Variants in TRAK1 observed in about 807,000 individuals in gnomAD.
TRAK1 encodes the protein trafficking kinesin protein 1.
In TRAK1, 33 loss-of-function variants were observed where a neutral mutation model predicts 92.1. The observed-to-expected ratio is 0.36, with a 90% CI of 0.27 to 0.48. The LOEUF is 0.48. Among genes scored for constraint, TRAK1 ranks in the 20% least tolerant of loss-of-function variants. TRAK1 has a pLI of 0.99. For synonymous variants in TRAK1, 521 were observed against 517.3 expected (o/e 1.01, Z -0.10); for missense variants, 1,123 against 1,257.9 (o/e 0.89, Z 1.62).
intron 1 of TRAK1, among the ~76,000 whole-genome samples, chr3:42,092,524 A>G (rs1452576839): frequency 6.6e-6 from 1 of 152,102 alleles, no homozygotes; most frequent in Non-Finnish European, 1.5e-5. Flanking sequence ...CAGAGAGAGG[A>G]CTGGTCCTGC....
chr3:42,058,666 C>A (rs1414115500), intron 1 of TRAK1, among the ~76,000 whole-genome samples: 1 of 152,180 alleles, frequency 6.6e-6, no homozygotes, highest in East Asian at 1.9e-4. Flanking sequence ...TTAAAGTCAA[C>A]CTGTCCTACC....
intron 1 of TRAK1, among the ~76,000 whole-genome samples, chr3:42,123,131 G>A (rs898126059): frequency 6.6e-6 from 1 of 152,212 alleles, no homozygotes; most frequent in Admixed American, 6.5e-5. Flanking sequence ...GGTGCTGACA[G>A]GTGTTCTCAG....
intron 2 of TRAK1, among the ~76,000 whole-genome samples, chr3:42,174,921 C>G (rs1329889963): frequency 1.3e-5 from 2 of 151,760 alleles, no homozygotes; most frequent in African/African-American, 4.8e-5. Context: ...GACTGACTAT[C>G]TGAATAATTA....
chr3:42,201,222 A>T (rs1369990037), intron 12 of TRAK1, among the ~76,000 whole-genome samples, 168 bp downstream of exon 12: 1 of 152,034 alleles, frequency 6.6e-6, no homozygotes, highest in East Asian at 1.9e-4. Context: ...ACTTTCGGAG[A>T]CCGAGGCGGG....
chr3:42,063,068 G>T (rs146346289), intron 1 of TRAK1, among the ~76,000 whole-genome samples: 1 of 152,316 alleles, frequency 6.6e-6, no homozygotes, highest in African/African-American at 2.4e-5. Flanking sequence ...TGGTTTTCCA[G>T]TACCAAATCC....
intron 1 of TRAK1, among the ~76,000 whole-genome samples, chr3:42,123,225 C>T (rs1710126061): frequency 6.6e-6 from 1 of 152,144 alleles, no homozygotes; most frequent in Non-Finnish European, 1.5e-5. Context: ...TGTTGAATGG[C>T]CTTCTTATTT....
chr3:42,030,172 A>C (rs931518018), intron 1 of TRAK1, among the ~76,000 whole-genome samples: 1 of 152,058 alleles, frequency 6.6e-6, no homozygotes, highest in Non-Finnish European at 1.5e-5. Flanking sequence ...GGTGGTTCAC[A>C]CCTATAATCC....
intron 1 of TRAK1, among the ~76,000 whole-genome samples, chr3:42,117,081 G>T (rs1709257723): frequency 6.6e-6 from 1 of 152,082 alleles, no homozygotes; most frequent in Non-Finnish European, 1.5e-5. Flanking sequence ...AAGGACTGGG[G>T]GCGTCACCGG....
rs1559899029 is a variant in TRAK1 at position 42,189,034 on chromosome 3, GTCC to G, written c.606_608del (p.Ser203del). On this transcript the variant is annotated inframe_deletion, in exon 6 of 16. Coordinates refer to ENST00000327628, the MANE Select transcript of TRAK1 (RefSeq NM_001042646.3). ...CCCCCAGGTTGAAGAGGAATGAGTCGTCCTCCTCAGTCCAGAATTACTTTCATT... is the reference window on the plus strand; with the variant it reads ...CCCCCAGGTTGAAGAGGAATGAGTCGTCCTCAGTCCAGAATTACTTTCATT... 2 of 1,613,678 alleles carry G rather than the reference GTCC, an allele frequency of 1.2e-6. No homozygotes were observed. The highest frequency in any genetic ancestry group is 1.7e-5 in the Admixed American group (1 of 60,008).
At chr3:42,178,019 T>C (rs1458023384) in intron 3 of TRAK1, among the ~76,000 whole-genome samples, 1 of 152,094 alleles carries the variant, frequency 6.6e-6, no homozygotes, top group African/African-American at 2.4e-5. Flanking sequence ...CTGCCTTGGT[T>C]GGCACCACCG....
chr3:42,150,908 T>C (rs1699881476), intron 2 of TRAK1, among the ~76,000 whole-genome samples: 1 of 152,214 alleles, frequency 6.6e-6, no homozygotes, highest in South Asian at 2.1e-4. Flanking sequence ...CTTTGGAATA[T>C]ATTCATTCTA....
chr3:42,191,436 G>A lies in TRAK1; in HGVS notation c.691-122G>A. 4.2e-6 allele frequency: 3 copies of A among 711,796 alleles called. No individual in the cohort carries two copies. In the South Asian group the frequency reaches 5.9e-5, roughly 14 times the overall value. 44.1% of individuals were successfully genotyped at this position (711,796 alleles called of 1,614,324 possible). A position where few individuals can be genotyped will look rare whatever the true frequency, so the allele number is the denominator to read the frequency against. On this transcript the variant is annotated intron_variant, in intron 6 of 15. Coordinates refer to ENST00000327628, the MANE Select transcript of TRAK1 (RefSeq NM_001042646.3). ...TATTTGAGGGTACGATGGGTGACAG[G>A]TGGGGGAATGCTAAGGGCAGCTTCC...
intron 1 of TRAK1, among the ~76,000 whole-genome samples, chr3:42,102,774 T>G (rs1394939017): frequency 6.6e-6 from 1 of 152,174 alleles, no homozygotes; most frequent in Non-Finnish European, 1.5e-5. Context: ...AGGGACTGAA[T>G]TTTTCACTGC....
chr3:42,041,210 G>A (rs993693408), intron 1 of TRAK1, among the ~76,000 whole-genome samples: 4 of 148,860 alleles, frequency 2.7e-5, no homozygotes, highest in African/African-American at 9.8e-5. Flanking sequence ...CAGGAGTATT[G>A]ACATCTTAAC....
At position 42,202,849 on chromosome 3, in the gene TRAK1, A is replaced by C; in HGVS notation, c.1744+97A>C. On this transcript the variant is annotated intron_variant, in intron 13 of 15. Transcript: ENST00000327628. This position sits in a 1 kb window ranked among gnomAD's most constrained non-coding sequence, Gnocchi z 6.1. ...AAGGCGGGGCACCTCTGTCACGCCT[A>C]CTCCTTTTTCTTCCGCGACAGCCAC... The C allele has an allele frequency of 2.0e-6, 3 of 1,535,160 alleles. No homozygotes were observed. The highest frequency in any genetic ancestry group is 4.8e-5 in the East Asian group (2 of 42,016).
In TRAK1 at chr3:42,151,317, A is replaced by G. The variant is rs536852681; in HGVS notation, c.287-25497A>G. On this transcript the variant is annotated intron_variant, in intron 2 of 15. Coordinates refer to ENST00000327628, the MANE Select transcript of TRAK1 (RefSeq NM_001042646.3). Reference sequence around the variant, plus strand: ...CTGCTCTTATCTGGGTATCCATCAGAAGGATTTTCTTACCCAGCACTTCCT... The same window carrying G: ...CTGCTCTTATCTGGGTATCCATCAGGAGGATTTTCTTACCCAGCACTTCCT... 8.8e-6 allele frequency: 4 copies of G among 456,504 alleles called. No individual in the cohort carries two copies. The East Asian group carries it at 2.1e-4, about 24-fold the overall frequency. 28.3% of individuals were successfully genotyped at this position (456,504 alleles called of 1,614,324 possible).
rs78822461 is a variant in TRAK1 at position 42,031,989 on chromosome 3, G to A, written c.-519+17872G>A. On this transcript the variant is annotated intron_variant, in intron 1 of 16. Coordinates refer to the TRAK1 transcript ENST00000487159. Reference sequence around the variant, plus strand: ...AGCACAGCATGGGTTAGGGGGCGGGGAAGGGATGGGGCATGGGGTGAAGTC... The same window carrying A: ...AGCACAGCATGGGTTAGGGGGCGGGAAAGGGATGGGGCATGGGGTGAAGTC... Among the ~76,000 whole-genome samples, 1,038 of 152,260 alleles carry A rather than the reference G, an allele frequency of 6.8e-3. 54 individuals carry two copies. In the East Asian group the frequency reaches 0.14, roughly 20 times the overall value.
intron 2 of TRAK1, among the ~76,000 whole-genome samples, chr3:42,132,219 A>G (rs1697295989): frequency 1.3e-5 from 2 of 148,646 alleles, no homozygotes; most frequent in African/African-American, 2.5e-5. Context: ...GATTACTTGT[A>G]TTACTTGTAA....
chr3:42,193,818 C>T lies in TRAK1; in HGVS notation c.901-6C>T, dbSNP rs1031743868. 1 of 1,614,040 alleles carries T rather than the reference C, an allele frequency of 6.2e-7. No individual in the cohort carries two copies. The highest frequency in any genetic ancestry group is 8.5e-7 in the Non-Finnish European group (1 of 1,179,966). On this transcript the variant is annotated splice_polypyrimidine_tract_variant and splice_region_variant and intron_variant, in intron 8 of 15. Coordinates refer to ENST00000327628, the MANE Select transcript of TRAK1 (RefSeq NM_001042646.3). The stretch of plus-strand genomic sequence containing the variant: ...TAGGAAGTGATCTATCTTTGCCATG[C>T]TTTAGTGCGCAGTGGAAAATGAAGA...
Sources: gnomAD v4.1 joint callset for allele counts (sites outside exome capture counted in the v4.1 genomes callset) on GRCh38, gnomAD v4.1.1 for gene constraint, Gnocchi (gnomAD v3.1) non-coding constraint, MANE v1.5 for transcripts, NCBI Gene and HGNC (gene_info 2026-07-23, HGNC 2026-07-21) for gene names.